CSTL1: variants seen among roughly 807,000 people sequenced by gnomAD.
The protein encoded by CSTL1 is cystatin-like 1.
CSTL1 carries 14 observed loss-of-function variants against 14.4 expected under a neutral mutation model. The observed-to-expected ratio is 0.97, with a 90% confidence interval of 0.64 to 1.52. The LOEUF (loss-of-function observed/expected upper bound fraction) is 1.52, where lower values mean the gene tolerates loss of function less well. CSTL1 is among the 40% of genes most tolerant of loss of function. The pLI, the probability that CSTL1 is intolerant of heterozygous loss-of-function variation, is 0.00. For missense variants in CSTL1, 170 were observed against 168.7 expected (o/e 1.01, Z -0.04); for synonymous variants, 72 against 67.5 (o/e 1.07, Z -0.33).
the CSTL1 span, chr20:23,452,568 G>C: frequency 6.5e-7 from 1 of 1,533,980 alleles, no homozygotes; most frequent in Non-Finnish European, 9.0e-7. Flanking sequence ...GGAGAGGCGG[G>C]AAGTCATACA....
the CSTL1 span, among the ~76,000 whole-genome samples, chr20:23,461,043 C>T: frequency 2.0e-5 from 3 of 152,168 alleles, no homozygotes; most frequent in Non-Finnish European, 2.9e-5. Context: ...TTATTGTTGT[C>T]TTATTTTCAG....
Position 23,440,625 on chromosome 20 carries a change from G to A in CSTL1, c.219+139G>A, listed in dbSNP as rs200983536. 600 of 753,852 alleles carry A rather than the reference G, an allele frequency of 8.0e-4. 3 individuals are homozygous for A. Among genetic ancestry groups the A allele is most frequent in the South Asian group, 3.6e-4 (26 of 71,568 alleles). 46.7% of individuals were successfully genotyped at this position (753,852 alleles called of 1,614,324 possible). A position where few individuals can be genotyped will look rare whatever the true frequency, so the allele number is the denominator to read the frequency against. ...CAAGGGGGAAGCATCTTCACTTGTA[G>A]CAGGTACATTGTAGAGTTGTTCAGA... On this transcript the variant is annotated intron_variant, in intron 2 of 3. Transcript: ENST00000347397.
chr20:23,443,186 AG>A (rs1165124687), intron 2 of CSTL1, among the ~76,000 whole-genome samples: 7 of 152,238 alleles, frequency 4.6e-5, no homozygotes, highest in Admixed American at 4.6e-4. Flanking sequence ...CAGAGTCTGC[AG>A]GGGGTAAAGC....
the CSTL1 span, chr20:23,450,366 G>T: frequency 1.0e-5 from 6 of 578,336 alleles, no homozygotes; most frequent in African/African-American, 3.8e-5. Context: ...TGAAGAATTT[G>T]GATAAAAAGA....
At chr20:23,450,598 A>G in the CSTL1 span, 3 of 1,600,416 alleles carry the variant, frequency 1.9e-6, no homozygotes, top group Admixed American at 3.4e-5. Flanking sequence ...TGCTAAAACA[A>G]AAAACAAAGG....
the CSTL1 span, among the ~76,000 whole-genome samples, chr20:23,455,322 T>A: frequency 2.6e-5 from 4 of 152,224 alleles, no homozygotes; most frequent in Admixed American, 6.5e-5. Flanking sequence ...TACTACTAAT[T>A]GAAACAGAAT....
At chr20:23,452,215 A>G in the CSTL1 span, among the ~76,000 whole-genome samples, 1 of 152,238 alleles carries the variant, frequency 6.6e-6, no homozygotes, top group African/African-American at 2.4e-5. Flanking sequence ...AAAGGGCTAC[A>G]TAGTAAACAT....
intron 2 of CSTL1, chr20:23,440,900 GT>G (rs1986816011): frequency 3.2e-6 from 1 of 308,948 alleles, no homozygotes; most frequent in Non-Finnish European, 6.3e-6. Context: ...GAGATTACAG[GT>G]ACGTACCACC....
the CSTL1 span, chr20:23,458,935 C>T: frequency 1.3e-5 from 2 of 152,260 alleles, no homozygotes; most frequent in African/African-American, 2.4e-5. Flanking sequence ...TTATAGGAGT[C>T]TAAGATCATG....
chr20:23,444,852 G>T lies in CSTL1; in HGVS notation c.412G>T (p.Glu138Ter). The T allele has an allele frequency of 6.2e-7, 1 of 1,613,386 alleles. No homozygotes were observed. Among genetic ancestry groups the T allele is most frequent in the Non-Finnish European group, 8.5e-7 (1 of 1,179,416 alleles). ...CTGGAACAATTCCTGTCTGGAGGCC[G>T]AGCATGTGGGCAGAAACCTCAGATG... Reference protein sequence around the residue: ...QLWNNSCLEAEHVGRNLR With the variant: ...QLWNNSCLEA The change falls in exon 4 of 4, where the codon GAG becomes TAG. Residue 138 changes from glutamate (E) to a stop codon, truncating the protein, a stop_gained. Transcript: ENST00000347397. LOFTEE classifies it low-confidence loss of function (END_TRUNC).
At chr20:23,444,658 C>T in intron 3 of CSTL1, 113 bp from the exon 4 acceptor site, 1 of 678,942 alleles carries the variant, frequency 1.5e-6, no homozygotes, top group Non-Finnish European at 2.7e-6. Context: ...CAGCTCCCCT[C>T]TCTGCCCATG....
chr20:23,452,830 C>A, the CSTL1 span: 1 of 1,585,980 alleles, frequency 6.3e-7, no homozygotes, highest in Admixed American at 1.7e-5. Flanking sequence ...TGCAGAGGAA[C>A]AGGAAGAGTG....
chr20:23,455,932 T>A, the CSTL1 span, among the ~76,000 whole-genome samples: 1 of 152,196 alleles, frequency 6.6e-6, no homozygotes, highest in East Asian at 1.9e-4. Flanking sequence ...TCCCCTCTGC[T>A]TTTTCTTCTT....
chr20:23,444,037 T>C lies in CSTL1; in HGVS notation c.323T>C (p.Leu108Pro). ...TCCTGCCCCCTGCAAAGCAAGAAGC[T>C]GAGAAAGGTGTGTAGTGGAAGTCAT... ...NSSCPLQSKK[L>P]RKSLICESLI... Residue 108 changes from leucine to proline, a missense_variant, in exon 3 of 4, where the codon CTG becomes CCG. Coordinates refer to ENST00000347397, the MANE Select transcript of CSTL1 (RefSeq NM_138283.1). The C allele has an allele frequency of 6.2e-7, 1 of 1,612,966 alleles. No homozygotes were observed. The highest frequency in any genetic ancestry group is 1.7e-5 in the Admixed American group (1 of 60,030).
downstream of CSTL1, among the ~76,000 whole-genome samples, chr20:23,445,938 G>A (rs568377922): frequency 7.9e-5 from 12 of 152,258 alleles, no homozygotes; most frequent in East Asian, 1.9e-4. Context: ...TCTCGGTGCC[G>A]TCACACAGAG....
intron 2 of CSTL1, chr20:23,440,948 C>T (rs554492671): frequency 1.2e-5 from 3 of 243,766 alleles, no homozygotes; most frequent in East Asian, 1.3e-4. Flanking sequence ...TAGTAGAAAC[C>T]GGTTTTCACC....
At chr20:23,454,610 T>C in the CSTL1 span, among the ~76,000 whole-genome samples, 23 of 152,284 alleles carry the variant, frequency 1.5e-4, no homozygotes, top group Admixed American at 1.0e-3. Context: ...AAGGGCTCTG[T>C]CTCCACCTCC....
Position 23,443,976 on chromosome 20 carries a change from T to G in CSTL1, c.262T>G (p.Trp88Gly), listed in dbSNP as rs3746736. The G allele has an allele frequency of 3.7e-6, 6 of 1,613,806 alleles. No homozygotes were observed. Among genetic ancestry groups the G allele is most frequent in the Non-Finnish European group, 3.4e-6 (4 of 1,179,818 alleles). The change falls in exon 3 of 4, where the codon TGG (tryptophan) becomes GGG (glycine). Residue 88 changes from tryptophan (W) to glycine (G), a missense_variant. By Grantham distance (184) the Trp-to-Gly change is radical. Transcript: ENST00000347397. ...GTATATAGTCACTGTGAAGATTGGC[T>G]GGACCAAATGCAAGAGGAATGACAC... ...VEYIVTVKIGWTKCKRNDTSN... is the reference protein window; with the variant it reads ...VEYIVTVKIGGTKCKRNDTSN...
chr20:23,457,364 G>A, the CSTL1 span, among the ~76,000 whole-genome samples: 6,771 of 152,152 alleles, frequency 0.045, 522 homozygotes, highest in African/African-American at 0.16. Context: ...AGCAATTCAG[G>A]TGGCTTCTGT....
Sources: allele counts gnomAD v4.1 joint callset (sites outside exome capture counted in the v4.1 genomes callset), GRCh38; gene constraint gnomAD v4.1.1; transcripts MANE v1.5; gene names NCBI Gene and HGNC (gene_info 2026-07-23, HGNC 2026-07-21).